SNAP23: variants seen among roughly 807,000 people sequenced by gnomAD.
SNAP23 encodes synaptosomal-associated protein 23.
In SNAP23, 11 loss-of-function variants were observed where a neutral mutation model predicts 29.0. That is an observed-to-expected ratio of 0.38 (90% CI 0.24 to 0.63). The LOEUF (loss-of-function observed/expected upper bound fraction) is 0.63. Among genes scored for constraint, SNAP23 ranks in the 20% least tolerant of loss-of-function variants. The pLI, the probability that SNAP23 is intolerant of heterozygous loss-of-function variation, is 0.58. For synonymous variants in SNAP23, 60 were observed against 82.9 expected (o/e 0.72, Z 1.50); for missense variants, 220 against 253.9 (o/e 0.87, Z 0.91).
At chr15:42,524,105 C>T (rs899090587) in intron 5 of SNAP23, among the ~76,000 whole-genome samples, 1 of 151,902 alleles carries the variant, frequency 6.6e-6, no homozygotes, top group Non-Finnish European at 1.5e-5. Flanking sequence ...TGTGAGCCAC[C>T]GCGCCTGGCT....
At chr15:42,493,962 T>C (rs2899051), upstream of SNAP23, among the ~76,000 whole-genome samples, 45,990 of 151,878 alleles carry the variant, frequency 0.3, 8,339 homozygotes, top group African/African-American at 0.5. Flanking sequence ...CCATTATTCT[T>C]ACCAGTGTTT....
chr15:42,494,901 A>G (rs183159812), upstream of SNAP23, among the ~76,000 whole-genome samples: 429 of 152,300 alleles, frequency 2.8e-3, no homozygotes, highest in African/African-American at 9.7e-3. Context: ...ATAGTTTACA[A>G]TAATCCTCCA....
At chr15:42,525,461 T>TC (rs2057493633) in intron 5 of SNAP23, among the ~76,000 whole-genome samples, 1 of 79,168 alleles carries the variant, frequency 1.3e-5, no homozygotes, top group African/African-American at 4.4e-5. Context: ...CTTTTTTTTT[T>TC]TTTTTTTTTT....
intron 1 of SNAP23, among the ~76,000 whole-genome samples, chr15:42,500,387 C>A (rs2057258989): frequency 6.8e-6 from 1 of 147,954 alleles, no homozygotes; most frequent in South Asian, 2.1e-4. Context: ...CTTTTCTTTT[C>A]CCTTTTTTTT....
intron 1 of SNAP23, among the ~76,000 whole-genome samples, chr15:42,502,462 T>G (rs540108487): frequency 2.0e-5 from 3 of 152,290 alleles, no homozygotes; most frequent in Non-Finnish European, 4.4e-5. Context: ...GAAGGATTGC[T>G]TGAGGCCAGG....
Position 42,523,023 on chromosome 15 carries a change from T to G in SNAP23, c.267-5239T>G, listed in dbSNP as rs146006851. ...CCACACCCGGCTAATTTTTTGTATTTTTAGTACAGAATAGGTTTCACCATG... is the reference window on the plus strand; with the variant it reads ...CCACACCCGGCTAATTTTTTGTATTGTTAGTACAGAATAGGTTTCACCATG... On this transcript the variant is annotated intron_variant, in intron 5 of 7. Transcript: ENST00000249647. 6.3e-3 allele frequency among the ~76,000 whole-genome samples: 956 copies of G among 152,012 alleles called. 7 individuals are homozygous for G. The highest frequency in any genetic ancestry group is 9.5e-3 in the Non-Finnish European group (644 of 67,960).
upstream of SNAP23, among the ~76,000 whole-genome samples, chr15:42,493,716 T>C (rs1182631545): frequency 2.0e-5 from 3 of 152,134 alleles, no homozygotes; most frequent in African/African-American, 7.2e-5. Flanking sequence ...CATTCTTCTG[T>C]CAACTTGTTG....
upstream of SNAP23, chr15:42,495,492 G>A (rs1185350679): frequency 6.6e-6 from 1 of 152,244 alleles, no homozygotes; most frequent in Admixed American, 6.5e-5. Context: ...AAATCTATCC[G>A]GTTAACTAGT....
intron 7 of SNAP23, among the ~76,000 whole-genome samples, chr15:42,530,284 A>C (rs983212097): frequency 6.6e-6 from 1 of 152,200 alleles, no homozygotes; most frequent in Admixed American, 6.5e-5. Context: ...CTGAATCCTC[A>C]TCTCATGAAA....
chr15:42,519,636 C>G (rs1186617188), intron 5 of SNAP23, among the ~76,000 whole-genome samples: 1 of 152,042 alleles, frequency 6.6e-6, no homozygotes, highest in Admixed American at 6.6e-5. Context: ...TCCCAACGTG[C>G]TGGGGTTACA....
intron 2 of SNAP23, 86 bp downstream of exon 2, chr15:42,511,989 G>T (rs2057361272): frequency 2.5e-6 from 2 of 788,124 alleles, no homozygotes; most frequent in Non-Finnish European, 4.0e-6. Flanking sequence ...GGACATTTTG[G>T]CCTCTTCCTA....
intron 5 of SNAP23, among the ~76,000 whole-genome samples, chr15:42,526,633 G>A (rs530139134): frequency 2.0e-5 from 3 of 152,190 alleles, no homozygotes; most frequent in African/African-American, 7.2e-5. Context: ...CCTTATTAAT[G>A]TAAAATGTAG....
intron 5 of SNAP23, among the ~76,000 whole-genome samples, chr15:42,527,470 C>A (rs1398207668): frequency 6.6e-6 from 1 of 152,062 alleles, no homozygotes; most frequent in Non-Finnish European, 1.5e-5. Context: ...ACTGCAGCCT[C>A]GACCTTCTGG....
intron 5 of SNAP23, chr15:42,521,609 T>TGAAGATTTAACATCA: frequency 6.5e-7 from 1 of 1,530,896 alleles, no homozygotes; most frequent in Non-Finnish European, 8.7e-7. Context: ...TTACTAAAAA[T>TGAAGATTTAACATCA]GAAGATTTAA....
In SNAP23 at chr15:42,531,535, T is replaced by A; in HGVS notation, c.*57T>A. 7.4e-7 allele frequency: 1 copy of A among 1,357,272 alleles called. No individual in the cohort carries two copies. The highest frequency in any genetic ancestry group is 1.0e-6 in the Non-Finnish European group (1 of 969,644). The allele number at this position is 1,357,272 out of a possible 1,614,324, so 84.1% of individuals were successfully genotyped here. A position where few individuals can be genotyped will look rare whatever the true frequency, so the allele number is the denominator to read the frequency against. ...ACTTCCGTAGCTCCTCCTTGAAAGT[T>A]ATTACCTTTTCAGAGTTTAAGTTTT... On this transcript the variant is annotated 3_prime_UTR_variant, in exon 8 of 8. Coordinates refer to ENST00000249647, the MANE Select transcript of SNAP23 (RefSeq NM_003825.4).
chr15:42,503,231 T>A (rs555402186), intron 1 of SNAP23, among the ~76,000 whole-genome samples: 36 of 152,254 alleles, frequency 2.4e-4, no homozygotes, highest in African/African-American at 7.7e-4. Flanking sequence ...AGATGGAGTC[T>A]CGCTCTGTCG....
intron 1 of SNAP23, among the ~76,000 whole-genome samples, chr15:42,507,984 G>A (rs2057328073): frequency 2.0e-5 from 3 of 152,126 alleles, no homozygotes; most frequent in Middle Eastern, 3.4e-3. Flanking sequence ...AGCCAGGTAC[G>A]GTAGCTCATC....
intron 1 of SNAP23, among the ~76,000 whole-genome samples, chr15:42,505,968 A>G: frequency 6.9e-6 from 1 of 145,306 alleles, no homozygotes; most frequent in Non-Finnish European, 1.5e-5. Context: ...TTTTTGAGAC[A>G]GAGTCTTGCT....
At position 42,531,294 on chromosome 15, in the gene SNAP23, A is replaced by G. The variant is rs554223297; in HGVS notation, c.571-119A>G. 44 of 571,390 alleles carry G rather than the reference A, an allele frequency of 7.7e-5. No individual in the cohort carries two copies. The South Asian group carries it at 1.5e-3, about 19-fold the overall frequency. 35.4% of individuals were successfully genotyped at this position (571,390 alleles called of 1,614,324 possible). A position where few individuals can be genotyped will look rare whatever the true frequency, so the allele number is the denominator to read the frequency against. On this transcript the variant is annotated intron_variant, in intron 7 of 7. Transcript: ENST00000249647. ...ACTTCTTGCCCAACATGAGTTTTGTAATGTAACTTCACGTGGTTTCTTGGA... is the reference window on the plus strand; with the variant it reads ...ACTTCTTGCCCAACATGAGTTTTGTGATGTAACTTCACGTGGTTTCTTGGA...
Sources: allele counts gnomAD v4.1 joint callset (sites outside exome capture counted in the v4.1 genomes callset), GRCh38; gene constraint gnomAD v4.1.1; transcripts MANE v1.5; gene names NCBI Gene and HGNC (gene_info 2026-07-23, HGNC 2026-07-21).